Variants in BNC2 observed in about 807,000 individuals in gnomAD.
The protein encoded by BNC2 is zinc finger protein basonuclin-2.
A neutral mutation model predicts 76.3 loss-of-function variants in BNC2; 20 were observed. That is an observed-to-expected ratio of 0.26 (90% CI 0.18 to 0.38). The LOEUF (loss-of-function observed/expected upper bound fraction) is 0.38. Ranked by LOEUF, BNC2 falls within the 10% of genes least tolerant of loss-of-function variation. BNC2 has a pLI of 1.00. For missense variants in BNC2, 1,382 were observed against 1,399.8 expected (o/e 0.99, Z 0.20); for synonymous variants, 582 against 514.8 (o/e 1.13, Z -1.77).
chr9:16,829,516 T>C (rs139143440), intron 1 of BNC2, among the ~76,000 whole-genome samples: 1 of 152,300 alleles, frequency 6.6e-6, no homozygotes, highest in Non-Finnish European at 1.5e-5. Flanking sequence ...TTTTTAAAAA[T>C]ATTTTTCTAA....
intron 3 of BNC2, among the ~76,000 whole-genome samples, chr9:16,678,359 G>T (rs553906672): frequency 1.6e-5 from 2 of 128,466 alleles, no homozygotes; most frequent in Admixed American, 2.0e-4. Flanking sequence ...GCTCACTGCA[G>T]CCTCTGCCTC....
At chr9:16,713,783 C>G (rs1015090800) in intron 3 of BNC2, among the ~76,000 whole-genome samples, 30 of 152,058 alleles carry the variant, frequency 2.0e-4, no homozygotes, top group Non-Finnish European at 4.4e-5. Flanking sequence ...AAAATACTTA[C>G]TCAATTTTGG....
At chr9:16,707,078 T>G (rs1823697387) in intron 3 of BNC2, among the ~76,000 whole-genome samples, 1 of 151,962 alleles carries the variant, frequency 6.6e-6, no homozygotes, top group South Asian at 2.1e-4. Context: ...GGTGGGCGCC[T>G]GTAGTCCCAG....
chr9:16,748,324 G>C (rs1825069500), intron 1 of BNC2, among the ~76,000 whole-genome samples: 1 of 152,002 alleles, frequency 6.6e-6, no homozygotes, highest in Non-Finnish European at 1.5e-5. Flanking sequence ...GACCAGCCTG[G>C]GCAATATGGC....
At chr9:16,590,548 C>T (rs1819896621) in intron 3 of BNC2, among the ~76,000 whole-genome samples, 1 of 151,890 alleles carries the variant, frequency 6.6e-6, no homozygotes, top group South Asian at 2.1e-4. Context: ...GGAATAGTGG[C>T]TCATGCCTGT....
intron 5 of BNC2, among the ~76,000 whole-genome samples, chr9:16,482,708 T>C (rs1822085456): frequency 6.6e-6 from 1 of 152,144 alleles, no homozygotes; most frequent in African/African-American, 2.4e-5. Flanking sequence ...CAAGAAAAGA[T>C]TCCCTTCCCT....
intron 5 of BNC2, among the ~76,000 whole-genome samples, chr9:16,483,118 T>G (rs1822094233): frequency 6.6e-6 from 1 of 152,166 alleles, no homozygotes; most frequent in African/African-American, 2.4e-5. Flanking sequence ...CTGAAAGGAT[T>G]AATGATGGTG....
chr9:16,798,982 G>A (rs540926221), intron 1 of BNC2, among the ~76,000 whole-genome samples: 2 of 152,216 alleles, frequency 1.3e-5, no homozygotes, highest in African/African-American at 2.4e-5. Flanking sequence ...AAATGTCAGG[G>A]GGCTCTGAGA....
intron 2 of BNC2, 49 bp downstream of exon 2, chr9:16,738,311 T>G (rs543305164): frequency 2.5e-6 from 4 of 1,586,882 alleles, no homozygotes; most frequent in Non-Finnish European, 3.4e-6. Flanking sequence ...AATCAAAGAA[T>G]GCAAGTGTGT....
At chr9:16,464,113 A>G (rs1474267828) in intron 5 of BNC2, among the ~76,000 whole-genome samples, 2 of 151,024 alleles carry the variant, frequency 1.3e-5, no homozygotes, top group Non-Finnish European at 2.9e-5. Context: ...AAAAAAAAAA[A>G]GAAAGAAGAC....
chr9:16,435,881 G>T lies in BNC2; in HGVS notation c.2313C>A (p.Val771=), dbSNP rs1038064871. 6.2e-7 allele frequency: 1 copy of T among 1,613,840 alleles called. No individual in the cohort carries two copies. The highest frequency in any genetic ancestry group is 8.5e-7 in the Non-Finnish European group (1 of 1,179,752). The change falls in exon 6 of 7, where the codon GTC becomes GTA. Residue 771 remains valine (V), a synonymous_variant. Coordinates refer to ENST00000380672, the MANE Select transcript of BNC2 (RefSeq NM_017637.6). ...ENHSEPSHQD[V]IKVKEEFTDP... ...CTGTAAATTCTTCCTTCACCTTGAT[G>T]ACGTCCTGGTGAGAGGGCTCACTGT...
Position 16,418,659 on chromosome 9 carries a change from G to A in BNC2, c.*330C>T. 4.5e-6 allele frequency: 1 copy of A among 221,934 alleles called. No individual in the cohort carries two copies. The allele number at this position is 221,934 out of a possible 1,614,324, so 13.7% of individuals were successfully genotyped here. On this transcript the variant is annotated 3_prime_UTR_variant, in exon 7 of 7. Coordinates refer to ENST00000380672, the MANE Select transcript of BNC2 (RefSeq NM_017637.6). ...TATTCTGTCAAAACTGGGGCTAGTT[G>A]CACACTGTGTGTGTGTGTGTGTGTG...
At chr9:16,669,331 C>G (rs942053757) in intron 3 of BNC2, among the ~76,000 whole-genome samples, 1 of 152,144 alleles carries the variant, frequency 6.6e-6, no homozygotes, top group Non-Finnish European at 1.5e-5. Context: ...TTCTATCACA[C>G]CCCCAGGTTA....
At chr9:16,487,860 C>T (rs140164997) in intron 5 of BNC2, among the ~76,000 whole-genome samples, 89 of 152,278 alleles carry the variant, frequency 5.8e-4, no homozygotes, top group African/African-American at 1.8e-3. Flanking sequence ...TTTCCTAATG[C>T]AGGATCAGTA....
At chr9:16,636,031 T>C (rs1267390136) in intron 3 of BNC2, among the ~76,000 whole-genome samples, 2 of 152,144 alleles carry the variant, frequency 1.3e-5, no homozygotes, top group Admixed American at 6.5e-5. Flanking sequence ...AAACTTAAGA[T>C]TGAAAAAGAC....
chr9:16,742,913 A>C (rs1824891379), intron 1 of BNC2, among the ~76,000 whole-genome samples: 2 of 152,178 alleles, frequency 1.3e-5, no homozygotes, highest in Admixed American at 6.5e-5. Flanking sequence ...CTGAATGAGA[A>C]AACTGTCTCA....
In BNC2 at chr9:16,849,231, C is replaced by A. The variant is rs531323067; in HGVS notation, c.3+21415G>T. Among the ~76,000 whole-genome samples the A allele has an allele frequency of 3.9e-5, 6 of 151,986 alleles. No individual in the cohort carries two copies. The East Asian group carries it at 1.2e-3, about 29-fold the overall frequency. ...TTATTTCCCGAACTCTCATTCCCCC[C>A]ACCAAAAAAATCTATAAATTTTCTA... On this transcript the variant is annotated intron_variant, in intron 1 of 6. Transcript: ENST00000380672.
chr9:16,711,117 T>C (rs1422074923), intron 3 of BNC2, among the ~76,000 whole-genome samples: 1 of 152,148 alleles, frequency 6.6e-6, no homozygotes, highest in African/African-American at 2.4e-5. Flanking sequence ...CCCCCCAGTC[T>C]TTCTCCTATA....
At chr9:16,715,034 G>A (rs1184751632) in intron 3 of BNC2, among the ~76,000 whole-genome samples, 1 of 152,108 alleles carries the variant, frequency 6.6e-6, no homozygotes, top group Non-Finnish European at 1.5e-5. Flanking sequence ...TCCTCCTTGT[G>A]ACATCATAAT....
Sources: allele counts gnomAD v4.1 joint callset (sites outside exome capture counted in the v4.1 genomes callset), GRCh38; gene constraint gnomAD v4.1.1; transcripts MANE v1.5; gene names NCBI Gene and HGNC (gene_info 2026-07-23, HGNC 2026-07-21).